Variants in TMPO observed in about 807,000 individuals in gnomAD.
TMPO encodes the protein thymopoietin, also known as LEM domain containing 4.
TMPO carries 22 observed loss-of-function variants against 45.4 expected under a neutral mutation model. That is an observed-to-expected ratio of 0.48 (90% confidence interval 0.35 to 0.69). The LOEUF (loss-of-function observed/expected upper bound fraction) is 0.69, where lower values mean the gene tolerates loss of function less well. Ranked by LOEUF, TMPO falls within the 30% of genes least tolerant of loss-of-function variation. The probability of loss-of-function intolerance (pLI) is 0.01; values close to 1 mark genes in which losing one functional copy is unlikely to be tolerated. For synonymous variants in TMPO, 241 were observed against 204.1 expected, an observed-to-expected ratio of 1.18 and a Z score of -1.54; for missense variants, 512 against 548.8, an observed-to-expected ratio of 0.93 and a Z score of 0.67.
In TMPO at chr12:98,515,821, G is replaced by C. The variant is rs755207935; in HGVS notation, c.-47G>C. On this transcript the variant is annotated 5_prime_UTR_variant, in exon 1 of 9. Coordinates refer to ENST00000556029, the MANE Select transcript of TMPO (RefSeq NM_001032283.3). The stretch of plus-strand genomic sequence containing the variant: ...GCCAGGAGCAAGCGCGCCGGCGTGA[G>C]CGGCGGCGGCAAAGGCTGTGGGGAG... 30 of 1,580,150 alleles carry C rather than the reference G, an allele frequency of 1.9e-5. No homozygotes were observed. Among genetic ancestry groups the C allele is most frequent in the Non-Finnish European group, 2.5e-5 (29 of 1,164,722 alleles).
Position 98,515,758 on chromosome 12 carries a change from A to T in TMPO, c.-110A>T. The T allele has an allele frequency of 1.3e-6, 2 of 1,543,688 alleles. No homozygotes were observed. Among genetic ancestry groups the T allele is most frequent in the Non-Finnish European group, 8.7e-7 (1 of 1,144,362 alleles). On this transcript the variant is annotated 5_prime_UTR_variant, in exon 1 of 9. Coordinates refer to ENST00000556029, the MANE Select transcript of TMPO (RefSeq NM_001032283.3). Reference sequence around the variant, plus strand: ...CCGCTCCGCAGCGCTCTTCCCGGGCAGGAGCCGTGAGGCTCGGAGGCGGCA... The same window carrying T: ...CCGCTCCGCAGCGCTCTTCCCGGGCTGGAGCCGTGAGGCTCGGAGGCGGCA...
intron 1 of TMPO, among the ~76,000 whole-genome samples, chr12:98,523,442 C>T (rs1360947337): frequency 1.3e-5 from 2 of 151,820 alleles, no homozygotes; most frequent in African/African-American, 2.4e-5. Flanking sequence ...CTTGTAATTT[C>T]AGCTGCTTGG....
intron 3 of TMPO, chr12:98,533,112 T>C: frequency 6.2e-7 from 1 of 1,614,178 alleles, no homozygotes; most frequent in Non-Finnish European, 8.5e-7. Flanking sequence ...CTAGCCATGA[T>C]AGGTGTTTAG....
In TMPO at chr12:98,546,341, TTGTC is replaced by T. The variant is rs397516495; in HGVS notation, c.991-14_991-11del. On this transcript the variant is annotated splice_polypyrimidine_tract_variant and intron_variant, in intron 7 of 8. Transcript: ENST00000556029. ...TAAATTTTAACTTGTGGTTGTTTGTTTGTCTGTTTCTTATTAGGTGGGAGAAAAA... is the reference window on the plus strand; with the variant it reads ...TAAATTTTAACTTGTGGTTGTTTGTTTGTTTCTTATTAGGTGGGAGAAAAA... 7.9e-5 allele frequency: 121 copies of T among 1,540,582 alleles called. No homozygotes were observed. Among genetic ancestry groups the T allele is most frequent in the Middle Eastern group, 3.6e-4 (2 of 5,626 alleles).
At chr12:98,523,552 A>T (rs1876538377) in intron 1 of TMPO, among the ~76,000 whole-genome samples, 1 of 152,146 alleles carries the variant, frequency 6.6e-6, no homozygotes, top group Admixed American at 6.6e-5. Context: ...AAAAAAAAAA[A>T]AATCACGTTT....
In TMPO at chr12:98,515,894, G is replaced by A; in HGVS notation, c.27G>A (p.Ser9=). The A allele has an allele frequency of 6.2e-7, 1 of 1,613,688 alleles. No individual in the cohort carries two copies. Among genetic ancestry groups the A allele is most frequent in the Non-Finnish European group, 8.5e-7 (1 of 1,179,782 alleles). Residue 9 remains serine (S), a synonymous_variant, in exon 1 of 9, where the codon TCG becomes TCA. Coordinates refer to ENST00000556029, the MANE Select transcript of TMPO (RefSeq NM_001032283.3). The part of the protein sequence containing the change: MPEFLEDP[S]VLTKDKLKSE... The stretch of plus-strand genomic sequence containing the variant: ...TGCCGGAGTTCCTGGAAGACCCCTC[G>A]GTCCTGACAAAAGACAAGTTGAAGA...
At chr12:98,545,125 G>GTTTTT (rs573744306) in intron 7 of TMPO, 64 bp downstream of exon 7, 71 of 542,858 alleles carry the variant, frequency 1.3e-4, no homozygotes, top group Non-Finnish European at 1.7e-4. Context: ...ATAAATATTT[G>GTTTTT]TTTGTTTTTT....
intron 2 of TMPO, among the ~76,000 whole-genome samples, chr12:98,528,251 CTTTT>C (rs72519624): frequency 5.3e-5 from 7 of 131,388 alleles, no homozygotes; most frequent in Non-Finnish European, 8.1e-5. Flanking sequence ...TTATATCGTA[CTTTT>C]TTTTTTTTTT....
At chr12:98,527,676 C>G in intron 1 of TMPO, 1 of 550,262 alleles carries the variant, frequency 1.8e-6, no homozygotes, top group Non-Finnish European at 3.2e-6. Flanking sequence ...CTTTAAGTTA[C>G]TTGCTTGGCT....
chr12:98,523,735 G>A (rs997862602), intron 1 of TMPO, among the ~76,000 whole-genome samples: 13 of 152,030 alleles, frequency 8.6e-5, no homozygotes, highest in African/African-American at 2.9e-4. Flanking sequence ...GAGTGCAGTG[G>A]CGCAATCTTG....
At chr12:98,541,929 G>A (rs1877935991) in intron 4 of TMPO, among the ~76,000 whole-genome samples, 1 of 152,126 alleles carries the variant, frequency 6.6e-6, no homozygotes, top group African/African-American at 2.4e-5. Context: ...TAAACCTAGA[G>A]ATCACTCCAT....
chr12:98,545,245 TA>T (rs1299068275), intron 7 of TMPO, among the ~76,000 whole-genome samples, 184 bp downstream of exon 7: 1 of 150,976 alleles, frequency 6.6e-6, no homozygotes, highest in Non-Finnish European at 1.5e-5. Flanking sequence ...AGAAATTAAC[TA>T]ATATAGTTTG....
chr12:98,537,707 C>G (rs1418188849), intron 4 of TMPO, 135 bp downstream of exon 4: 2 of 784,132 alleles, frequency 2.6e-6, no homozygotes, highest in East Asian at 5.3e-5. Context: ...TTAAATGATA[C>G]TAAAAATCTA....
At chr12:98,545,563 C>G (rs959493457) in intron 7 of TMPO, among the ~76,000 whole-genome samples, 3 of 152,030 alleles carry the variant, frequency 2.0e-5, no homozygotes, top group Non-Finnish European at 4.4e-5. Flanking sequence ...TTATTTTGTT[C>G]TGGACATAAA....
At position 98,540,624 on chromosome 12, in the gene TMPO, C is replaced by T. The variant is rs150057391; in HGVS notation, c.663+3052C>T. 6.4e-3 allele frequency among the ~76,000 whole-genome samples: 973 copies of T among 152,234 alleles called. 8 individuals carry two copies. Among genetic ancestry groups the T allele is most frequent in the Non-Finnish European group, 0.011 (746 of 68,004 alleles). On this transcript the variant is annotated intron_variant, in intron 4 of 8. Coordinates refer to ENST00000556029, the MANE Select transcript of TMPO (RefSeq NM_001032283.3). Reference sequence around the variant, plus strand: ...AACTCCCGACCTCAGGTGATCCACCCGCCTCAGCCTCCCAAAATGCTGGGA... The same window carrying T: ...AACTCCCGACCTCAGGTGATCCACCTGCCTCAGCCTCCCAAAATGCTGGGA...
intron 1 of TMPO, among the ~76,000 whole-genome samples, chr12:98,519,842 T>C (rs1229051545): frequency 6.6e-6 from 1 of 152,216 alleles, no homozygotes; most frequent in Non-Finnish European, 1.5e-5. Flanking sequence ...TAATAATTTA[T>C]GTGTAAAATT....
chr12:98,520,508 T>C (rs1366465380), intron 1 of TMPO, among the ~76,000 whole-genome samples: 6 of 151,854 alleles, frequency 4.0e-5, no homozygotes, highest in Non-Finnish European at 8.8e-5. Context: ...GGTTTCACCA[T>C]GTTGGTCAGG....
intron 1 of TMPO, among the ~76,000 whole-genome samples, chr12:98,520,448 A>G (rs1173613857): frequency 6.6e-6 from 1 of 151,800 alleles, no homozygotes. Context: ...TATTACTTAC[A>G]GGCACACACC....
chr12:98,529,215 G>T (rs972224849), intron 2 of TMPO, among the ~76,000 whole-genome samples: 1 of 151,730 alleles, frequency 6.6e-6, no homozygotes, highest in African/African-American at 2.4e-5. Context: ...CACCATGCCC[G>T]GCTAATTTTT....
Sources: allele counts gnomAD v4.1 joint callset (sites outside exome capture counted in the v4.1 genomes callset), GRCh38; gene constraint gnomAD v4.1.1; transcripts MANE v1.5; gene names NCBI Gene and HGNC (gene_info 2026-07-23, HGNC 2026-07-21).